ELMO1: variants seen among roughly 807,000 people sequenced by gnomAD.
ELMO1 encodes engulfment and cell motility protein 1.
In ELMO1, 26 loss-of-function variants were observed where a neutral mutation model predicts 98.9. The observed-to-expected ratio is 0.26, with a 90% CI of 0.19 to 0.36. The LOEUF is 0.36. Ranked by LOEUF, ELMO1 falls within the 10% of genes least tolerant of loss-of-function variation. The pLI, the probability that ELMO1 is intolerant of heterozygous loss-of-function variation, is 1.00. For missense variants in ELMO1, 627 were observed against 935.2 expected (o/e 0.67, Z 4.30); for synonymous variants, 346 against 346.0 (o/e 1.00, Z 0.00).
chr7:37,292,197 G>A lies in ELMO1; in HGVS notation c.193-20315C>T, dbSNP rs1267053387. 1.7e-5 allele frequency among the ~76,000 whole-genome samples: 2 copies of A among 115,186 alleles called. 1 individual carries two copies. The highest frequency in any genetic ancestry group is 5.5e-5 in the African/African-American group (2 of 36,194). The allele number at this position is 115,186 out of a possible 152,430, so 75.6% of individuals were successfully genotyped here. ...GCTCCTAACCGCGAGTGATCCGCCA[G>A]CCTCGGCCTCCCGAGGTGCCGGGAT... On this transcript the variant is annotated intron_variant, in intron 4 of 21. Coordinates refer to ENST00000310758, the MANE Select transcript of ELMO1 (RefSeq NM_014800.11).
chr7:36,862,091 C>T (rs1382008279), intron 20 of ELMO1: 1 of 252,504 alleles, frequency 4.0e-6, no homozygotes, highest in African/African-American at 2.2e-5. Flanking sequence ...TCTTCAGCAT[C>T]TCCCTTCCAG....
chr7:37,389,667 G>C (rs1408835251), intron 1 of ELMO1, among the ~76,000 whole-genome samples: 1 of 152,132 alleles, frequency 6.6e-6, no homozygotes. Flanking sequence ...AGGTAGTAGG[G>C]AGACACAGGA....
intron 1 of ELMO1, among the ~76,000 whole-genome samples, chr7:37,349,378 G>A (rs974429827): frequency 6.6e-6 from 1 of 152,224 alleles, no homozygotes; most frequent in Admixed American, 6.5e-5. Context: ...AAGGGCTTCA[G>A]GAGGATCACC....
intron 16 of ELMO1, among the ~76,000 whole-genome samples, chr7:36,959,623 A>G (rs1471591295): frequency 6.6e-6 from 1 of 152,150 alleles, no homozygotes; most frequent in Non-Finnish European, 1.5e-5. Context: ...TTTCCTCCAG[A>G]AGCAATGCAA....
chr7:37,438,100 T>G (rs1805226305), intron 1 of ELMO1, among the ~76,000 whole-genome samples: 1 of 152,138 alleles, frequency 6.6e-6, no homozygotes, highest in South Asian at 2.1e-4. Context: ...TCTATCTGGG[T>G]TTGACCAACA....
At position 37,224,891 on chromosome 7, in the gene ELMO1, G is replaced by A. The variant is rs750244677; in HGVS notation, c.689C>T (p.Pro230Leu). Residue 230 changes from proline (P) to leucine (L), a missense_variant, in exon 9 of 22, where the codon CCA becomes CTA. Around this residue, in one of 3 missense-constraint regions of ELMO1, gnomAD observed 492 missense variants for 715.6 expected, o/e 0.69. Coordinates refer to ENST00000310758, the MANE Select transcript of ELMO1 (RefSeq NM_014800.11). The stretch of plus-strand genomic sequence containing the variant: ...TTGGCATGCTTACCCTTGCAGGTGT[G>A]GAATGAGCTGGCCGATGGTGATCTC... ...AQEITIGQLIPHLQGSDQEIQ... is the reference protein window; with the variant it reads ...AQEITIGQLILHLQGSDQEIQ... The A allele has an allele frequency of 6.2e-7, 1 of 1,614,008 alleles. No individual in the cohort carries two copies. Among genetic ancestry groups the A allele is most frequent in the Non-Finnish European group, 8.5e-7 (1 of 1,179,924 alleles).
At chr7:37,274,161 G>A (rs1173076078) in intron 4 of ELMO1, among the ~76,000 whole-genome samples, 2 of 152,192 alleles carry the variant, frequency 1.3e-5, no homozygotes, top group Non-Finnish European at 2.9e-5. Context: ...TGAGATAGGA[G>A]CTGGGGAAAT....
chr7:37,406,420 A>C (rs1281539298), intron 1 of ELMO1, among the ~76,000 whole-genome samples: 1 of 147,498 alleles, frequency 6.8e-6, no homozygotes, highest in African/African-American at 2.5e-5. Flanking sequence ...AATGAAAGTG[A>C]GGAAGTAAGA....
At chr7:36,887,181 T>C (rs1034892545) in intron 18 of ELMO1, among the ~76,000 whole-genome samples, 6 of 152,222 alleles carry the variant, frequency 3.9e-5, no homozygotes, top group African/African-American at 1.4e-4. Flanking sequence ...ATGGTGAGGA[T>C]AAAATGCTTT....
At chr7:37,402,957 A>G (rs913159664) in intron 1 of ELMO1, among the ~76,000 whole-genome samples, 4 of 152,342 alleles carry the variant, frequency 2.6e-5, no homozygotes, top group Middle Eastern at 3.4e-3. Context: ...ATTTACCCAA[A>G]CAAGTTGAAA....
intron 4 of ELMO1, among the ~76,000 whole-genome samples, chr7:37,302,265 G>T (rs1798389514): frequency 6.6e-6 from 1 of 152,150 alleles, no homozygotes; most frequent in African/African-American, 2.4e-5. Context: ...CCCATAGCTG[G>T]GACAACAGGT....
intron 14 of ELMO1, among the ~76,000 whole-genome samples, chr7:37,121,223 C>T (rs1786009742): frequency 6.6e-6 from 1 of 152,202 alleles, no homozygotes. Context: ...AGCGCCTCTC[C>T]TCCTCCAAAG....
intron 14 of ELMO1, chr7:37,132,863 T>C (rs1416812513): frequency 4.2e-6 from 1 of 235,344 alleles, no homozygotes; most frequent in African/African-American, 2.2e-5. Flanking sequence ...GTTTTTGTCA[T>C]AATTCAATAT....
At chr7:37,247,258 A>G (rs1026797103) in intron 6 of ELMO1, among the ~76,000 whole-genome samples, 2 of 152,170 alleles carry the variant, frequency 1.3e-5, no homozygotes, top group Non-Finnish European at 2.9e-5. Context: ...AATGTTACCT[A>G]CGGTTTTGAA....
chr7:37,316,055 AAG>A (rs1799138188), intron 2 of ELMO1, 95 bp from the exon 3 acceptor site: 1 of 1,011,550 alleles, frequency 9.9e-7, no homozygotes, highest in Admixed American at 2.3e-5. Context: ...TATCTAAGCA[AAG>A]AGAATTTACA....
chr7:37,297,334 T>A (rs1434762271), intron 4 of ELMO1, among the ~76,000 whole-genome samples: 1 of 152,126 alleles, frequency 6.6e-6, no homozygotes, highest in Non-Finnish European at 1.5e-5. Context: ...CACAATAATA[T>A]AAAAGATCTT....
chr7:36,939,230 G>T (rs969668258), intron 16 of ELMO1, among the ~76,000 whole-genome samples: 1 of 151,324 alleles, frequency 6.6e-6, no homozygotes, highest in Admixed American at 6.6e-5. Context: ...GCCACTTACC[G>T]AAGACAGAGT....
chr7:37,027,276 T>C (rs1794636064), intron 15 of ELMO1, among the ~76,000 whole-genome samples: 1 of 152,144 alleles, frequency 6.6e-6, no homozygotes, highest in Admixed American at 6.5e-5. Context: ...CTGATTACGT[T>C]TTTAAAATAC....
intron 13 of ELMO1, among the ~76,000 whole-genome samples, chr7:37,141,408 G>A (rs1435614598): frequency 6.6e-6 from 1 of 152,006 alleles, no homozygotes; most frequent in Non-Finnish European, 1.5e-5. Flanking sequence ...CTACACATTG[G>A]GTACAGTGTA....
Sources: allele counts gnomAD v4.1 joint callset (sites outside exome capture counted in the v4.1 genomes callset), GRCh38; gene constraint gnomAD v4.1.1; regional missense constraint gnomAD v4.1.1; transcripts MANE v1.5; gene names NCBI Gene and HGNC (gene_info 2026-07-23, HGNC 2026-07-21).